The following SKAP1 variants were observed in gnomAD, a reference collection of about 807,000 sequenced individuals.
SKAP1 encodes src kinase associated phosphoprotein 1.
In SKAP1, 44 loss-of-function variants were observed where a neutral mutation model predicts 58.5. The ratio of observed to expected loss-of-function variants is 0.75; its 90% CI spans 0.59 to 0.97. The LOEUF (loss-of-function observed/expected upper bound fraction) is 0.97, where lower values mean the gene tolerates loss of function less well. Among genes scored for constraint, SKAP1 ranks in the 50% least tolerant of loss-of-function variants. The pLI is 0.00. For synonymous variants in SKAP1, 127 were observed against 149.7 expected (o/e 0.85, Z 1.11); for missense variants, 390 against 435.2 (o/e 0.90, Z 0.92).
rs372884397 is a variant in SKAP1 at position 48,408,165 on chromosome 17, A to T, written c.47-11380T>A. Among the ~76,000 whole-genome samples the T allele has an allele frequency of 5.3e-5, 8 of 152,318 alleles. No individual in the cohort carries two copies. In the East Asian group the frequency reaches 1.3e-3, roughly 26 times the overall value. Reference sequence around the variant, plus strand: ...AGAATCATTTTATCTCTTTAAAAAGATATTTTGAAAAATAAAGTGCCATGT... The same window carrying T: ...AGAATCATTTTATCTCTTTAAAAAGTTATTTTGAAAAATAAAGTGCCATGT... On this transcript the variant is annotated intron_variant, in intron 1 of 12. Transcript: ENST00000336915.
intron 4 of SKAP1, among the ~76,000 whole-genome samples, chr17:48,321,682 T>C (rs772851830): frequency 1.3e-5 from 2 of 152,080 alleles, no homozygotes; most frequent in Non-Finnish European, 2.9e-5. Context: ...TCGGCCTGTT[T>C]CATTATTTTT....
intron 1 of SKAP1, among the ~76,000 whole-genome samples, chr17:48,427,162 A>C (rs9900511): frequency 0.33 from 50,117 of 152,014 alleles, 8,981 homozygotes; most frequent in African/African-American, 0.46. Context: ...TTTTTTACTT[A>C]TTCCTAGGCT....
chr17:48,285,948 T>C (rs1412045784), intron 4 of SKAP1, among the ~76,000 whole-genome samples: 1 of 152,222 alleles, frequency 6.6e-6, no homozygotes, highest in Admixed American at 6.5e-5. Context: ...CATGGTAATA[T>C]CTACTTTACA....
chr17:48,250,677 T>C (rs2065354220), intron 4 of SKAP1, among the ~76,000 whole-genome samples: 1 of 152,176 alleles, frequency 6.6e-6, no homozygotes, highest in African/African-American at 2.4e-5. Context: ...AAAATAGTGT[T>C]TTGGCATTAT....
At chr17:48,305,850 T>C (rs1456962216) in intron 4 of SKAP1, among the ~76,000 whole-genome samples, 1 of 152,212 alleles carries the variant, frequency 6.6e-6, no homozygotes, top group African/African-American at 2.4e-5. Flanking sequence ...TTACATTATA[T>C]TGCCTTTTTT....
intron 11 of SKAP1, among the ~76,000 whole-genome samples, chr17:48,150,975 C>G (rs971595428): frequency 1.7e-4 from 25 of 151,452 alleles, no homozygotes; most frequent in African/African-American, 5.8e-4. Context: ...AGCCAGAAGA[C>G]TTAGGAGGTC....
the SKAP1 span, among the ~76,000 whole-genome samples, chr17:48,444,982 G>A: frequency 1.4e-4 from 22 of 152,172 alleles, no homozygotes; most frequent in Admixed American, 3.3e-4. Context: ...AATACCAAAC[G>A]AGGGTGTTTC....
chr17:48,323,286 T>G (rs1170826870), intron 4 of SKAP1, among the ~76,000 whole-genome samples: 1 of 151,104 alleles, frequency 6.6e-6, no homozygotes, highest in Non-Finnish European at 1.5e-5. Flanking sequence ...AGTGTATCAA[T>G]CACCAGAAAG....
chr17:48,402,698 G>A (rs1484379032), intron 1 of SKAP1, among the ~76,000 whole-genome samples: 1 of 152,184 alleles, frequency 6.6e-6, no homozygotes, highest in African/African-American at 2.4e-5. Flanking sequence ...TGAATGGATA[G>A]ATAAAATGTA....
chr17:48,364,089 G>A (rs932129891), intron 2 of SKAP1, among the ~76,000 whole-genome samples: 1 of 152,184 alleles, frequency 6.6e-6, no homozygotes, highest in Non-Finnish European at 1.5e-5. Flanking sequence ...GGTGGCCTGG[G>A]GTTTCTCATC....
intron 4 of SKAP1, among the ~76,000 whole-genome samples, chr17:48,249,627 T>C (rs1444086403): frequency 5.3e-5 from 8 of 151,700 alleles, no homozygotes; most frequent in Non-Finnish European, 1.0e-4. Flanking sequence ...TGAACCATGA[T>C]CATGCCTCGG....
intron 2 of SKAP1, among the ~76,000 whole-genome samples, chr17:48,385,139 C>A (rs1279711514): frequency 2.6e-5 from 4 of 152,074 alleles, no homozygotes; most frequent in African/African-American, 9.7e-5. Context: ...CCAAATAAGA[C>A]AAAGACTTAA....
rs77455117 is a variant in SKAP1 at position 48,363,770 on chromosome 17, G to A, written c.178+19C>T. 0.047 allele frequency: 75,292 copies of A among 1,594,526 alleles called. 2,052 individuals carry two copies. The highest frequency in any genetic ancestry group is 0.055 in the Non-Finnish European group (64,519 of 1,167,004). ...ACACATTTTTAGCATAAAACCATAC[G>A]TGGTCAAAGAGGACTCACCTTGGGG... On this transcript the variant is annotated intron_variant, in intron 3 of 12. Coordinates refer to ENST00000336915, the MANE Select transcript of SKAP1 (RefSeq NM_003726.4).
chr17:48,300,731 C>A (rs1007819156), intron 4 of SKAP1, among the ~76,000 whole-genome samples: 2 of 152,128 alleles, frequency 1.3e-5, no homozygotes, highest in South Asian at 2.1e-4. Context: ...TACTGCTTAA[C>A]AATAATGTGT....
intron 4 of SKAP1, among the ~76,000 whole-genome samples, chr17:48,268,681 G>A (rs900459495): frequency 6.6e-5 from 10 of 151,820 alleles, no homozygotes; most frequent in Non-Finnish European, 1.2e-4. Context: ...TAGTAGAGAC[G>A]GGGTCTCACC....
intron 4 of SKAP1, among the ~76,000 whole-genome samples, chr17:48,234,756 C>T (rs543545555): frequency 6.6e-6 from 1 of 151,784 alleles, no homozygotes; most frequent in Non-Finnish European, 1.5e-5. Context: ...TAAATAACCA[C>T]AGAATGTGAT....
intron 3 of SKAP1, 102 bp from the exon 4 acceptor site, chr17:48,346,108 G>A (rs1323674590): frequency 2.4e-5 from 14 of 578,658 alleles, no homozygotes; most frequent in East Asian, 3.3e-5. Flanking sequence ...TCCAGTATTC[G>A]AAAAAAAAGT....
intron 4 of SKAP1, among the ~76,000 whole-genome samples, chr17:48,251,014 G>C (rs776268942): frequency 5.3e-5 from 8 of 152,184 alleles, no homozygotes; most frequent in Non-Finnish European, 1.0e-4. Context: ...TGCTTAAAAT[G>C]AGAGCTTTGA....
chr17:48,258,374 T>C (rs1328286891), intron 4 of SKAP1, among the ~76,000 whole-genome samples: 1 of 152,156 alleles, frequency 6.6e-6, no homozygotes, highest in Non-Finnish European at 1.5e-5. Flanking sequence ...ATTGTCCTTA[T>C]AAGACAAATT....
Sources: gnomAD v4.1 joint callset for allele counts (sites outside exome capture counted in the v4.1 genomes callset) on GRCh38, gnomAD v4.1.1 for gene constraint, MANE v1.5 for transcripts, NCBI Gene and HGNC (gene_info 2026-07-23, HGNC 2026-07-21) for gene names.